The following DNAJC11 variants were observed in gnomAD, a reference collection of about 807,000 sequenced individuals.
DNAJC11 encodes the protein DnaJ heat shock protein family (Hsp40) member C11, also known as dnaJ homolog subfamily C member 11.
Under a neutral mutation model 78.6 loss-of-function variants are expected in DNAJC11, and 15 were observed. The observed-to-expected ratio is 0.19, with a 90% confidence interval of 0.13 to 0.29. The LOEUF is 0.29. Among genes scored for constraint, DNAJC11 ranks in the 10% least tolerant of loss-of-function variants. DNAJC11 has a pLI of 1.00. For missense variants in DNAJC11, 547 were observed against 709.6 expected (o/e 0.77, Z 2.60); for synonymous variants, 292 against 272.1 (o/e 1.07, Z -0.72).
At chr1:6,649,522 C>T (rs913839769) in intron 7 of DNAJC11, among the ~76,000 whole-genome samples, 22 of 152,098 alleles carry the variant, frequency 1.4e-4, no homozygotes, top group African/African-American at 2.4e-5. Flanking sequence ...CAGGCCACGT[C>T]CTCCTGTTTC....
chr1:6,699,963 T>C (rs1642899313), intron 1 of DNAJC11, among the ~76,000 whole-genome samples: 1 of 152,162 alleles, frequency 6.6e-6, no homozygotes, highest in African/African-American at 2.4e-5. Context: ...TAAGCCATCA[T>C]ATCCCCTATG....
chr1:6,668,958 G>C (rs2148741803), intron 3 of DNAJC11, among the ~76,000 whole-genome samples: 1 of 152,014 alleles, frequency 6.6e-6, no homozygotes, highest in Admixed American at 6.6e-5. Flanking sequence ...AGGCAGAGGT[G>C]AGGGGATCAC....
At chr1:6,675,175 T>G (rs1488798673) in intron 3 of DNAJC11, among the ~76,000 whole-genome samples, 1 of 152,186 alleles carries the variant, frequency 6.6e-6, no homozygotes, top group Non-Finnish European at 1.5e-5. Flanking sequence ...GGGCTCAATT[T>G]TCCTATTGGA....
At chr1:6,688,770 T>A (rs1012983665) in intron 1 of DNAJC11, among the ~76,000 whole-genome samples, 1 of 152,124 alleles carries the variant, frequency 6.6e-6, no homozygotes, top group Non-Finnish European at 1.5e-5. Flanking sequence ...AGGCCGGTGT[T>A]GGGGACAGAA....
chr1:6,637,134 G>A (rs1641791828), intron 14 of DNAJC11, 64 bp downstream of exon 14: 6 of 1,597,556 alleles, frequency 3.8e-6, no homozygotes, highest in East Asian at 4.5e-5. Flanking sequence ...ATAGGCCTGA[G>A]TCACCGCGCC....
intron 4 of DNAJC11, among the ~76,000 whole-genome samples, chr1:6,663,490 G>A (rs747091202): frequency 3.9e-5 from 6 of 152,166 alleles, no homozygotes; most frequent in Admixed American, 1.3e-4. Context: ...TAATCAATAC[G>A]AAGTGAATAC....
intron 4 of DNAJC11, among the ~76,000 whole-genome samples, chr1:6,661,568 C>T (rs969503902): frequency 5.3e-5 from 8 of 152,294 alleles, no homozygotes; most frequent in African/African-American, 1.9e-4. Flanking sequence ...CAGTGCTTTC[C>T]CAGACCTGAT....
At chr1:6,646,001 T>C (rs1265397730) in intron 7 of DNAJC11, 23 bp from the exon 8 acceptor site, 17 of 1,612,632 alleles carry the variant, frequency 1.1e-5, no homozygotes, top group East Asian at 2.2e-5. Flanking sequence ...AGAGACAGAA[T>C]AGGTCCTGGA....
intron 4 of DNAJC11, among the ~76,000 whole-genome samples, chr1:6,655,257 T>C (rs529134702): frequency 6.6e-6 from 1 of 152,312 alleles, no homozygotes; most frequent in South Asian, 2.1e-4. Context: ...TGCGGTGATA[T>C]TCAAATACCA....
At chr1:6,688,500 G>A (rs772406817) in intron 1 of DNAJC11, among the ~76,000 whole-genome samples, 2 of 152,106 alleles carry the variant, frequency 1.3e-5, no homozygotes, top group Non-Finnish European at 2.9e-5. Flanking sequence ...AATATGGTCC[G>A]TAGCTCAAAG....
In DNAJC11 at chr1:6,663,390, G is replaced by A. The variant is rs114853700; in HGVS notation, c.378+4319C>T. Among the ~76,000 whole-genome samples the A allele has an allele frequency of 4.3e-3, 657 of 152,236 alleles. 8 individuals carry two copies. Among genetic ancestry groups the A allele is most frequent in the African/African-American group, 0.014 (572 of 41,522 alleles). The stretch of plus-strand genomic sequence containing the variant: ...AGCAATGAAGTCGGACAAGCTGCCT[G>A]GGATCAAGTTGCCTTCTAAATATGC... On this transcript the variant is annotated intron_variant, in intron 4 of 15. Transcript: ENST00000377577.
chr1:6,650,004 CTGGGCA>C (rs1470444910), intron 7 of DNAJC11, among the ~76,000 whole-genome samples: 1 of 151,954 alleles, frequency 6.6e-6, no homozygotes, highest in Non-Finnish European at 1.5e-5. Context: ...GCCACTGTGC[CTGGGCA>C]CAGTGGCTCA....
chr1:6,647,496 A>G (rs555240862), intron 7 of DNAJC11, among the ~76,000 whole-genome samples: 102 of 152,268 alleles, frequency 6.7e-4, no homozygotes, highest in Middle Eastern at 6.8e-3. Flanking sequence ...GCAGACATCC[A>G]TAACTAACCT....
At position 6,634,967 on chromosome 1, in the gene DNAJC11, T is replaced by C; in HGVS notation, c.*708A>G. On this transcript the variant is annotated 3_prime_UTR_variant, in exon 16 of 16. Coordinates refer to ENST00000377577, the MANE Select transcript of DNAJC11 (RefSeq NM_018198.4). The stretch of plus-strand genomic sequence containing the variant: ...CAAGCCCGCTGGTGGCAGGGCGTTT[T>C]CCCACCGGGATACGGGAAGCCACCT... 1 of 933,308 alleles carries C rather than the reference T, an allele frequency of 1.1e-6. No individual in the cohort carries two copies. The highest frequency in any genetic ancestry group is 1.4e-6 in the Non-Finnish European group (1 of 717,364). 57.8% of individuals were successfully genotyped at this position (933,308 alleles called of 1,614,324 possible).
chr1:6,652,637 A>G (rs185403557), intron 6 of DNAJC11, among the ~76,000 whole-genome samples, 192 bp downstream of exon 6: 18 of 152,194 alleles, frequency 1.2e-4, no homozygotes, highest in Admixed American at 1.2e-3. Context: ...ACGGGGTTTC[A>G]CCATGTTGGC....
At position 6,636,249 on chromosome 1, in the gene DNAJC11, G is replaced by A. The variant is rs755129102; in HGVS notation, c.1525-3C>T. ...TCATAAAAGCCAGGCAGCCCAGCCT[G>A]TAACAAACAAATTGCTACTCTCAAT... On this transcript the variant is annotated splice_polypyrimidine_tract_variant and splice_region_variant and intron_variant, in intron 14 of 15. Transcript: ENST00000377577. The A allele has an allele frequency of 3.3e-5, 54 of 1,613,726 alleles. No homozygotes were observed. Among genetic ancestry groups the A allele is most frequent in the Non-Finnish European group, 4.2e-5 (49 of 1,179,926 alleles).
In DNAJC11 at chr1:6,667,733, T is replaced by C. The variant is rs1642313994; in HGVS notation, c.354A>G (p.Arg118=). 6.2e-7 allele frequency: 1 copy of C among 1,614,124 alleles called. No individual in the cohort carries two copies. Among genetic ancestry groups the C allele is most frequent in the Non-Finnish European group, 8.5e-7 (1 of 1,180,018 alleles). Residue 118 remains arginine, a synonymous_variant, in exon 4 of 16, where the codon AGA becomes AGG. Coordinates refer to ENST00000377577, the MANE Select transcript of DNAJC11 (RefSeq NM_018198.4). ...ERLQREREER[R]LQQRTNPKGT... ...CCTTGGGATTGGTTCGCTGCTGCAA[T>C]CTCCTCTCTTCTCTCTCTCTCTGCA...
At position 6,643,430 on chromosome 1, in the gene DNAJC11, C is replaced by T. The variant is rs181975362; in HGVS notation, c.1097+1128G>A. 1.8e-3 allele frequency among the ~76,000 whole-genome samples: 268 copies of T among 152,090 alleles called. 2 individuals carry two copies. Among genetic ancestry groups the T allele is most frequent in the African/African-American group, 6.0e-3 (250 of 41,484 alleles). ...AGCAGAGACTACAGGCGCCCGCCAC[C>T]ACGCCCGGTTAATTTTTTGTATTTT... On this transcript the variant is annotated intron_variant, in intron 10 of 15. Transcript: ENST00000377577.
chr1:6,645,140 G>A lies in DNAJC11; in HGVS notation c.895-14C>T. On this transcript the variant is annotated splice_polypyrimidine_tract_variant and intron_variant, in intron 8 of 15. Coordinates refer to ENST00000377577, the MANE Select transcript of DNAJC11 (RefSeq NM_018198.4). The surrounding 1 kb of genome is among the most constrained non-coding windows in gnomAD (Gnocchi z 4.1). ...AGGGATTCCCAGCTGGGGAGACAGA[G>A]GGTGCAAGGATGCGTGGCTAGGGCG... is the stretch of plus-strand genomic sequence containing the variant. 6.2e-7 allele frequency: 1 copy of A among 1,608,312 alleles called. No homozygotes were observed. Among genetic ancestry groups the A allele is most frequent in the Non-Finnish European group, 8.5e-7 (1 of 1,175,214 alleles).
Sources: gnomAD v4.1 joint callset for allele counts (sites outside exome capture counted in the v4.1 genomes callset) on GRCh38, gnomAD v4.1.1 for gene constraint, Gnocchi (gnomAD v3.1) non-coding constraint, MANE v1.5 for transcripts, NCBI Gene and HGNC (gene_info 2026-07-23, HGNC 2026-07-21) for gene names.